The following GLRA1 variants were observed in gnomAD, a reference collection of about 807,000 sequenced individuals.
The protein encoded by GLRA1 is glycine receptor subunit alpha-1.
In GLRA1, 37 loss-of-function variants were observed where a neutral mutation model predicts 48.3. That is an observed-to-expected ratio of 0.77 (90% CI 0.59 to 1.01). The LOEUF (loss-of-function observed/expected upper bound fraction) is 1.01. Among genes scored for constraint, GLRA1 ranks in the 50% least tolerant of loss-of-function variants. The pLI, the probability that GLRA1 is intolerant of heterozygous loss-of-function variation, is 0.00. For missense variants in GLRA1, 427 were observed against 571.0 expected, an observed-to-expected ratio of 0.75 and a Z score of 2.57; for synonymous variants, 196 against 210.7, an observed-to-expected ratio of 0.93 and a Z score of 0.60.
At chr5:151,890,500 C>T (rs1029980491) in intron 2 of GLRA1, among the ~76,000 whole-genome samples, 3 of 152,168 alleles carry the variant, frequency 2.0e-5, no homozygotes, top group Non-Finnish European at 4.4e-5. Flanking sequence ...GGGCCCTAAC[C>T]AGTTCCTGGA....
intron 7 of GLRA1, among the ~76,000 whole-genome samples, chr5:151,849,460 C>CTTTCCT (rs199535578): frequency 6.4e-4 from 32 of 49,862 alleles, no homozygotes; most frequent in Non-Finnish European, 8.1e-4. Context: ...CCTTTCCTTC[C>CTTTCCT]TTCCTTCCTT....
intron 8 of GLRA1, among the ~76,000 whole-genome samples, chr5:151,823,284 G>A (rs926404974): frequency 6.6e-6 from 1 of 152,152 alleles, no homozygotes; most frequent in African/African-American, 2.4e-5. Flanking sequence ...GAGTCTCGGG[G>A]ATTTTTATTT....
At chr5:151,840,528 A>G (rs1444304684) in intron 7 of GLRA1, among the ~76,000 whole-genome samples, 3 of 152,226 alleles carry the variant, frequency 2.0e-5, no homozygotes, top group African/African-American at 7.2e-5. Flanking sequence ...CATTAATTAA[A>G]TTAAGTGGAA....
At position 151,924,614 on chromosome 5, in the gene GLRA1, T is replaced by C; in HGVS notation, c.-65A>G. On this transcript the variant is annotated 5_prime_UTR_variant, in exon 1 of 9. Transcript: ENST00000274576. ...GGCAAAAATGTTTCAAATTGGCACT[T>C]ACAAAACCAGAAAGCGCTATTGCAA... 1 of 992,990 alleles carries C rather than the reference T, an allele frequency of 1.0e-6. No individual in the cohort carries two copies. The highest frequency in any genetic ancestry group is 2.1e-4 in the Middle Eastern group (1 of 4,834). The allele number at this position is 992,990 out of a possible 1,614,324, so 61.5% of individuals were successfully genotyped here. A position where few individuals can be genotyped will look rare whatever the true frequency, so the allele number is the denominator to read the frequency against.
intron 8 of GLRA1, 104 bp downstream of exon 8, chr5:151,828,817 T>G: frequency 8.4e-7 from 1 of 1,194,286 alleles, no homozygotes; most frequent in Non-Finnish European, 1.2e-6. Flanking sequence ...CCTTGCACAT[T>G]GAGAAGGATG....
At position 151,894,785 on chromosome 5, in the gene GLRA1, T is replaced by C. The variant is rs75981101; in HGVS notation, c.57-2347A>G. On this transcript the variant is annotated intron_variant, in intron 1 of 8. Coordinates refer to ENST00000274576, the MANE Select transcript of GLRA1 (RefSeq NM_000171.4). ...TATCCTGGCTAGTAAAAAGTGTTCA[T>C]AAATATTTATACATGGATTAACAAT... 3.3e-4 allele frequency among the ~76,000 whole-genome samples: 51 copies of C among 152,366 alleles called. No homozygotes were observed. The East Asian group carries it at 9.2e-3, about 28-fold the overall frequency.
intron 2 of GLRA1, among the ~76,000 whole-genome samples, chr5:151,891,064 A>C (rs1581648677): frequency 6.6e-6 from 1 of 152,240 alleles, no homozygotes; most frequent in African/African-American, 2.4e-5. Context: ...CAGCTGTCAC[A>C]TGCCTTGTTT....
chr5:151,822,817 C>T lies in GLRA1; in HGVS notation c.1206G>A (p.Glu402=). The change falls in exon 9 of 9, where the codon GAG becomes GAA. Residue 402 remains glutamate, a synonymous_variant. Coordinates refer to ENST00000274576, the MANE Select transcript of GLRA1 (RefSeq NM_000171.4). ...NPPPAPSKSP[E]EMRKLFIQRA... is the part of the protein sequence containing the mutation. The stretch of plus-strand genomic sequence containing the variant: ...TCTGGATGAAGAGTTTTCGCATCTC[C>T]TCTGGGGACTTAGATGGTGCAGGAG... 1 of 1,614,030 alleles carries T rather than the reference C, an allele frequency of 6.2e-7. No homozygotes were observed. The highest frequency in any genetic ancestry group is 8.5e-7 in the Non-Finnish European group (1 of 1,179,952).
chr5:151,893,103 A>G (rs1010910461), intron 1 of GLRA1, among the ~76,000 whole-genome samples: 2 of 152,170 alleles, frequency 1.3e-5, no homozygotes, highest in South Asian at 4.1e-4. Flanking sequence ...AGAGTAAATC[A>G]GTAGTGGCTT....
chr5:151,923,635 C>T (rs2113470483), intron 1 of GLRA1, among the ~76,000 whole-genome samples: 1 of 152,336 alleles, frequency 6.6e-6, no homozygotes, highest in Non-Finnish European at 1.5e-5. Context: ...TCACTTTTCA[C>T]TTCTACTAAC....
At chr5:151,846,576 G>A (rs1307241907) in intron 7 of GLRA1, among the ~76,000 whole-genome samples, 1 of 152,218 alleles carries the variant, frequency 6.6e-6, no homozygotes, top group Non-Finnish European at 1.5e-5. Flanking sequence ...AGGGTGAATA[G>A]AGGAGAGTGT....
At chr5:151,898,793 A>C (rs1177134528) in intron 1 of GLRA1, among the ~76,000 whole-genome samples, 1 of 152,214 alleles carries the variant, frequency 6.6e-6, no homozygotes, top group Non-Finnish European at 1.5e-5. Flanking sequence ...AGTCAGCACT[A>C]TAATTGAGGA....
chr5:151,825,644 CTAG>C (rs1452731706), intron 8 of GLRA1, among the ~76,000 whole-genome samples: 1 of 152,158 alleles, frequency 6.6e-6, no homozygotes, highest in Non-Finnish European at 1.5e-5. Flanking sequence ...AGGGAAGTTG[CTAG>C]TAGTATGCCT....
At chr5:151,884,456 C>CAAAACAAAACAAAA (rs1561571172) in intron 3 of GLRA1, among the ~76,000 whole-genome samples, 1 of 45,298 alleles carries the variant, frequency 2.2e-5, no homozygotes, top group African/African-American at 7.3e-5. Context: ...AACAAAAAAA[C>CAAAACAAAACAAAA]CCATTTTTTC....
intron 3 of GLRA1, among the ~76,000 whole-genome samples, chr5:151,881,921 G>A (rs972523877): frequency 2.6e-5 from 4 of 152,178 alleles, no homozygotes; most frequent in Admixed American, 1.3e-4. Context: ...AGCCTGGAAA[G>A]TTTCTGAAAC....
chr5:151,886,622 G>T, intron 3 of GLRA1, 99 bp downstream of exon 3: 2 of 909,086 alleles, frequency 2.2e-6, no homozygotes, highest in African/African-American at 1.6e-5. Flanking sequence ...AAACCCAGCT[G>T]ATTCCCCACT....
chr5:151,885,674 C>T (rs1480379907), intron 3 of GLRA1, among the ~76,000 whole-genome samples: 3 of 152,146 alleles, frequency 2.0e-5, no homozygotes, highest in Non-Finnish European at 4.4e-5. Context: ...GAGCTGTAAG[C>T]AATCGGTGCA....
At chr5:151,861,385 C>A (rs1374588482) in intron 3 of GLRA1, among the ~76,000 whole-genome samples, 1 of 152,170 alleles carries the variant, frequency 6.6e-6, no homozygotes, top group African/African-American at 2.4e-5. Flanking sequence ...CTCTCCAGCA[C>A]CTGTTGTTTC....
At chr5:151,901,737 T>G (rs1316671975) in intron 1 of GLRA1, among the ~76,000 whole-genome samples, 4 of 152,172 alleles carry the variant, frequency 2.6e-5, no homozygotes, top group Non-Finnish European at 4.4e-5. Context: ...TAAAAACAGA[T>G]GAAGACATGA....
Sources: gnomAD v4.1 joint callset for allele counts (sites outside exome capture counted in the v4.1 genomes callset) on GRCh38, gnomAD v4.1.1 for gene constraint, MANE v1.5 for transcripts, NCBI Gene and HGNC (gene_info 2026-07-23, HGNC 2026-07-21) for gene names.